The following BMPR1A variants were observed in gnomAD, a reference collection of about 807,000 sequenced individuals.
The protein encoded by BMPR1A is bone morphogenetic protein receptor type 1A, also known as bone morphogenetic protein receptor type-1A.
Under a neutral mutation model 66.0 loss-of-function variants are expected in BMPR1A, and 7 were observed. That is an observed-to-expected ratio of 0.11 (90% CI 0.06 to 0.20). The LOEUF is 0.20. BMPR1A is among the 10% of genes least tolerant of loss of function. The pLI, the probability that BMPR1A is intolerant of heterozygous loss-of-function variation, is 1.00. For missense variants in BMPR1A, 408 were observed against 669.1 expected, an observed-to-expected ratio of 0.61 and a Z score of 4.31; for synonymous variants, 200 against 229.7, an observed-to-expected ratio of 0.87 and a Z score of 1.17.
intron 5 of BMPR1A, among the ~76,000 whole-genome samples, chr10:86,893,541 G>A (rs1462901576): frequency 6.6e-6 from 1 of 152,210 alleles, no homozygotes; most frequent in African/African-American, 2.4e-5. Context: ...TGTAATCCCA[G>A]CACTTTGGGA....
chr10:86,868,161 AC>A (rs1388728781), intron 2 of BMPR1A, among the ~76,000 whole-genome samples: 1 of 152,120 alleles, frequency 6.6e-6, no homozygotes, highest in Non-Finnish European at 1.5e-5. Context: ...TTTCTAAAAC[AC>A]CCTGTTATGA....
chr10:86,833,327 G>T (rs1372359817), intron 1 of BMPR1A, among the ~76,000 whole-genome samples: 1 of 152,098 alleles, frequency 6.6e-6, no homozygotes, highest in Non-Finnish European at 1.5e-5. Flanking sequence ...TTTTCATGAA[G>T]CATAGTTATA....
chr10:86,807,029 C>A (rs1841897160), intron 1 of BMPR1A, among the ~76,000 whole-genome samples: 1 of 152,074 alleles, frequency 6.6e-6, no homozygotes, highest in African/African-American at 2.4e-5. Flanking sequence ...TTCTTTGCCC[C>A]ATCCCCAGAA....
chr10:86,846,390 T>TG (rs1842485280), intron 2 of BMPR1A, among the ~76,000 whole-genome samples: 1 of 152,172 alleles, frequency 6.6e-6, no homozygotes, highest in Admixed American at 6.5e-5. Context: ...TGTCTGTCCT[T>TG]GGGGTGTAGT....
intron 1 of BMPR1A, among the ~76,000 whole-genome samples, chr10:86,807,730 G>A (rs1358906626): frequency 9.2e-5 from 14 of 151,844 alleles, no homozygotes; most frequent in Admixed American, 7.2e-4. Flanking sequence ...CAGTGCATAC[G>A]CTTCTGTAAT....
chr10:86,769,084 A>G (rs1239912042), intron 1 of BMPR1A, among the ~76,000 whole-genome samples: 3 of 152,246 alleles, frequency 2.0e-5, no homozygotes, highest in Non-Finnish European at 4.4e-5. Flanking sequence ...AAAAGTATGC[A>G]TTATTTTAGC....
intron 2 of BMPR1A, among the ~76,000 whole-genome samples, chr10:86,844,902 G>A (rs1227227190): frequency 2.0e-5 from 3 of 152,078 alleles, no homozygotes; most frequent in African/African-American, 4.8e-5. Flanking sequence ...TCAGCCTCCC[G>A]AGAGGCTGGG....
At chr10:86,790,507 T>C (rs1340171596) in intron 1 of BMPR1A, among the ~76,000 whole-genome samples, 5 of 152,000 alleles carry the variant, frequency 3.3e-5, no homozygotes, top group African/African-American at 1.2e-4. Context: ...CATGAAAGTT[T>C]ACAGCAGCAT....
intron 9 of BMPR1A, among the ~76,000 whole-genome samples, chr10:86,918,117 C>G (rs935580390): frequency 1.4e-4 from 21 of 152,268 alleles, no homozygotes; most frequent in African/African-American, 4.6e-4. Context: ...CCATTTCTGT[C>G]ATCAGGTGGC....
At chr10:86,919,499 A>G (rs1564724373) in intron 10 of BMPR1A, 30 bp downstream of exon 10, 1 of 1,608,942 alleles carries the variant, frequency 6.2e-7, no homozygotes, top group Non-Finnish European at 8.5e-7. Context: ...ACTGTTTTGA[A>G]ATTATTTTAA....
intron 1 of BMPR1A, among the ~76,000 whole-genome samples, chr10:86,804,895 C>G (rs1005446935): frequency 1.4e-5 from 2 of 142,742 alleles, no homozygotes; most frequent in Admixed American, 7.5e-5. Context: ...GGCTGTACTT[C>G]CAAAATCAAG....
At chr10:86,931,298 C>CACACACACATATATATATAT, downstream of BMPR1A, 5 of 90,928 alleles carry the variant, frequency 5.5e-5, no homozygotes, top group Non-Finnish European at 9.3e-5. Context: ...CACACACACA[C>CACACACACATATATATATAT]ATATATATAT....
At chr10:86,782,307 T>C (rs1198123955) in intron 1 of BMPR1A, among the ~76,000 whole-genome samples, 2 of 152,190 alleles carry the variant, frequency 1.3e-5, no homozygotes, top group African/African-American at 4.8e-5. Flanking sequence ...TATGTAAATA[T>C]CTCTTCGAGA....
intron 3 of BMPR1A, among the ~76,000 whole-genome samples, chr10:86,881,525 C>T (rs984837680): frequency 5.3e-5 from 8 of 152,192 alleles, no homozygotes; most frequent in Non-Finnish European, 1.0e-4. Flanking sequence ...TTGGTTCCCT[C>T]CTGCCCACAA....
chr10:86,777,512 G>A (rs1287256013), intron 1 of BMPR1A, among the ~76,000 whole-genome samples: 1 of 151,944 alleles, frequency 6.6e-6, no homozygotes, highest in Non-Finnish European at 1.5e-5. Flanking sequence ...GCCTGATGAG[G>A]TTTAGGTTGC....
At chr10:86,762,835 G>GC (rs1841090484) in intron 1 of BMPR1A, among the ~76,000 whole-genome samples, 2 of 152,214 alleles carry the variant, frequency 1.3e-5, no homozygotes, top group Admixed American at 1.3e-4. Flanking sequence ...GAGAAAGGTA[G>GC]CCCGCAGAGT....
intron 3 of BMPR1A, among the ~76,000 whole-genome samples, chr10:86,883,741 G>C (rs934033369): frequency 2.6e-5 from 4 of 151,954 alleles, no homozygotes; most frequent in African/African-American, 9.7e-5. Context: ...TTGTACTCCA[G>C]CCTGGGCAAC....
intron 1 of BMPR1A, among the ~76,000 whole-genome samples, chr10:86,833,637 C>G (rs1374196068): frequency 6.6e-6 from 1 of 152,056 alleles, no homozygotes; most frequent in Non-Finnish European, 1.5e-5. Flanking sequence ...TGGTTGATGG[C>G]TTTTATATTG....
intron 1 of BMPR1A, among the ~76,000 whole-genome samples, chr10:86,808,549 C>A (rs1251510364): frequency 6.6e-6 from 1 of 152,174 alleles, no homozygotes. Flanking sequence ...AGATTTGAAG[C>A]AATGGCCTGA....
Sources: allele counts gnomAD v4.1 joint callset (sites outside exome capture counted in the v4.1 genomes callset), GRCh38; gene constraint gnomAD v4.1.1; transcripts MANE v1.5; gene names NCBI Gene and HGNC (gene_info 2026-07-23, HGNC 2026-07-21).